CLOCK: variants seen among roughly 807,000 people sequenced by gnomAD.
The protein encoded by CLOCK is clock circadian regulator, also known as circadian locomoter output cycles protein kaput.
Under a neutral mutation model 118.4 loss-of-function variants are expected in CLOCK, and 43 were observed. That is an observed-to-expected ratio of 0.36 (90% CI 0.28 to 0.47). The LOEUF (loss-of-function observed/expected upper bound fraction) is 0.47, where lower values mean the gene tolerates loss of function less well. Ranked by LOEUF, CLOCK falls within the 20% of genes least tolerant of loss-of-function variation. CLOCK has a pLI of 1.00. For missense variants in CLOCK, 846 were observed against 999.9 expected (o/e 0.85, Z 2.08); for synonymous variants, 326 against 339.2 (o/e 0.96, Z 0.43).
At chr4:55,477,591 A>G (rs756106848) in intron 6 of CLOCK, among the ~76,000 whole-genome samples, 4 of 152,130 alleles carry the variant, frequency 2.6e-5, no homozygotes, top group Non-Finnish European at 5.9e-5. Flanking sequence ...ATGAAAATAA[A>G]TTCAATTTTA....
At chr4:55,523,356 C>T (rs1289049321) in intron 1 of CLOCK, among the ~76,000 whole-genome samples, 2 of 151,992 alleles carry the variant, frequency 1.3e-5, no homozygotes, top group African/African-American at 4.8e-5. Context: ...TCACTTGTGA[C>T]CAAAGAGTAG....
chr4:55,449,466 C>T lies in CLOCK; in HGVS notation c.1379G>A (p.Ser460Asn). 2 of 1,614,006 alleles carry T rather than the reference C, an allele frequency of 1.2e-6. No individual in the cohort carries two copies. Among genetic ancestry groups the T allele is most frequent in the Non-Finnish European group, 1.7e-6 (2 of 1,179,922 alleles). ...STPTKIPTDT[S>N]TPPRQHLPAH... ...TGGTAAATGCTGCCTGGGTGGAGTG[C>T]TCGTATCCGTCGGGATCTTGGTTGG... Residue 460 changes from serine to asparagine, a missense_variant, in exon 17 of 23, where the codon AGC becomes AAC. By Grantham distance (46) the Ser-to-Asn change is conservative. Transcript: ENST00000513440.
At chr4:55,482,901 T>C (rs1282210758) in intron 3 of CLOCK, 73 bp from the exon 4 acceptor site, 4 of 682,720 alleles carry the variant, frequency 5.9e-6, no homozygotes, top group African/African-American at 1.8e-5. Context: ...TCTTGAGAAA[T>C]ACTATATGTT....
intron 11 of CLOCK, among the ~76,000 whole-genome samples, 183 bp downstream of exon 11, chr4:55,458,709 G>T (rs769876822): frequency 1.3e-5 from 2 of 151,972 alleles, no homozygotes; most frequent in African/African-American, 4.8e-5. Flanking sequence ...TAACTGCAAA[G>T]GATATATACT....
At chr4:55,546,753 C>A (rs1469578622) in intron 1 of CLOCK, 29 bp downstream of exon 1, 2 of 152,070 alleles carry the variant, frequency 1.3e-5, no homozygotes, top group Non-Finnish European at 2.9e-5. Flanking sequence ...CTCGGCAGGC[C>A]CTGGGCCCAC....
chr4:55,512,759 G>A (rs1335028251), intron 1 of CLOCK, among the ~76,000 whole-genome samples: 2 of 152,010 alleles, frequency 1.3e-5, no homozygotes, highest in South Asian at 2.1e-4. Context: ...AAGGTCTGTC[G>A]AGATTCATTT....
rs1722307753 is a variant in CLOCK, at chr4:55,428,009, G to GTGA, written c.*7403_*7405dup. The GTGA allele has an allele frequency of 6.6e-6, 1 of 152,154 alleles. No individual in the cohort carries two copies. Among genetic ancestry groups the GTGA allele is most frequent in the Non-Finnish European group, 1.5e-5 (1 of 68,032 alleles). The allele number at this position is 152,154 out of a possible 1,614,324, so 9.4% of individuals were successfully genotyped here. On this transcript the variant is annotated 3_prime_UTR_variant, in exon 23 of 23. Coordinates refer to ENST00000513440, the MANE Select transcript of CLOCK (RefSeq NM_004898.4). ...AGGTGTTATTTTTTGAGAAATGCAG[G>GTGA]TGATAACTGAAAAACATAGCACTGA...
intron 1 of CLOCK, among the ~76,000 whole-genome samples, chr4:55,511,423 C>T (rs1437867205): frequency 6.6e-6 from 1 of 152,070 alleles, no homozygotes; most frequent in African/African-American, 2.4e-5. Context: ...GCTCAAATAT[C>T]AACAAAAAAA....
In CLOCK at chr4:55,444,492, G is replaced by C. The variant is rs1043113324; in HGVS notation, c.1692+141C>G. ...GAGACTGTAAGTATAATCATACTGA[G>C]TAGGTAACCAGTGAATATTTATTGA... On this transcript the variant is annotated intron_variant, in intron 19 of 22. Transcript: ENST00000513440. 5.1e-5 allele frequency: 48 copies of C among 948,268 alleles called. 1 individual carries two copies. In the South Asian group the frequency reaches 6.3e-4, roughly 12 times the overall value. The allele number at this position is 948,268 out of a possible 1,614,324, so 58.7% of individuals were successfully genotyped here.
chr4:55,533,708 G>T (rs879616678), intron 1 of CLOCK, among the ~76,000 whole-genome samples: 1 of 152,002 alleles, frequency 6.6e-6, no homozygotes, highest in Admixed American at 6.6e-5. Flanking sequence ...TTTGAGACCA[G>T]CTTGGCCAAC....
intron 2 of CLOCK, among the ~76,000 whole-genome samples, chr4:55,497,686 A>G (rs1728175959): frequency 1.3e-5 from 2 of 152,222 alleles, no homozygotes; most frequent in South Asian, 4.1e-4. Flanking sequence ...TTCAGGCTGC[A>G]TGCGTTCAAC....
rs1325295367 is a variant in CLOCK, at chr4:55,542,401, T to G, written c.-290+4381A>C. ...ATAATATTATTATTATTATTATTAT[T>G]AATGTCTATGCTGTTTTAACCATAC... On this transcript the variant is annotated intron_variant, in intron 1 of 22. Transcript: ENST00000513440. 2.8e-5 allele frequency among the ~76,000 whole-genome samples: 4 copies of G among 144,714 alleles called. 1 individual carries two copies. The highest frequency in any genetic ancestry group is 6.0e-5 in the Non-Finnish European group (4 of 66,548). The allele number at this position is 144,714 out of a possible 152,430, so 94.9% of individuals were successfully genotyped here.
At chr4:55,539,664 G>C (rs1034285048) in intron 1 of CLOCK, among the ~76,000 whole-genome samples, 5 of 150,366 alleles carry the variant, frequency 3.3e-5, no homozygotes, top group African/African-American at 4.9e-5. Flanking sequence ...AGGTAGGCCA[G>C]TATCAAAATG....
Position 55,482,503 on chromosome 4 carries a change from T to C in CLOCK, c.47+236A>G, listed in dbSNP as rs896190113. ...CAGCTATGACCAAATCACTAAAAAT[T>C]ACAAGTCAGGACTCATTTAAAACAC... On this transcript the variant is annotated intron_variant, in intron 4 of 22. Transcript: ENST00000513440. Among the ~76,000 whole-genome samples the C allele has an allele frequency of 1.4e-4, 21 of 152,176 alleles. No individual in the cohort carries two copies. In the East Asian group the frequency reaches 4.0e-3, roughly 29 times the overall value.
intron 2 of CLOCK, among the ~76,000 whole-genome samples, chr4:55,498,400 T>C (rs1320570299): frequency 6.6e-6 from 1 of 152,084 alleles, no homozygotes; most frequent in Non-Finnish European, 1.5e-5. Flanking sequence ...GAACCACAGA[T>C]AATTCAGAAA....
chr4:55,473,457 G>A (rs897166910), intron 7 of CLOCK, among the ~76,000 whole-genome samples: 5 of 152,006 alleles, frequency 3.3e-5, no homozygotes, highest in African/African-American at 4.8e-5. Flanking sequence ...ACAAATTTTC[G>A]TATGGTAACA....
chr4:55,491,525 T>G (rs10012734), intron 2 of CLOCK, among the ~76,000 whole-genome samples: 1,576 of 87,488 alleles, frequency 0.018, 22 homozygotes, highest in African/African-American at 0.052. Flanking sequence ...AAAAAAGTAT[T>G]TTTTTGAGAC....
At chr4:55,488,804 C>G (rs1192905578) in intron 3 of CLOCK, among the ~76,000 whole-genome samples, 1 of 152,170 alleles carries the variant, frequency 6.6e-6, no homozygotes, top group Non-Finnish European at 1.5e-5. Context: ...GACACAATCA[C>G]AGCTCACTGT....
chr4:55,485,479 C>T (rs1727241069), intron 3 of CLOCK, among the ~76,000 whole-genome samples: 2 of 152,198 alleles, frequency 1.3e-5, no homozygotes, highest in Admixed American at 1.3e-4. Context: ...TGTTTGCAGA[C>T]TACTGCAAGT....
Sources: allele counts gnomAD v4.1 joint callset (sites outside exome capture counted in the v4.1 genomes callset), GRCh38; gene constraint gnomAD v4.1.1; transcripts MANE v1.5; gene names NCBI Gene and HGNC (gene_info 2026-07-23, HGNC 2026-07-21).